PACRG: variants seen among roughly 807,000 people sequenced by gnomAD.
PACRG encodes parkin coregulated.
A neutral mutation model predicts 29.7 loss-of-function variants in PACRG; 29 were observed. The observed-to-expected ratio is 0.98, with a 90% CI of 0.73 to 1.33. PACRG has a LOEUF of 1.33. Ranked by LOEUF, PACRG falls within the 40% of genes most tolerant of loss-of-function variation. The pLI, the probability that PACRG is intolerant of heterozygous loss-of-function variation, is 0.00. For synonymous variants in PACRG, 116 were observed against 118.7 expected (o/e 0.98, Z 0.15); for missense variants, 279 against 316.2 (o/e 0.88, Z 0.89).
At chr6:163,299,818 G>A (rs1441470504) in intron 4 of PACRG, among the ~76,000 whole-genome samples, 1 of 152,324 alleles carries the variant, frequency 6.6e-6, no homozygotes, top group South Asian at 2.1e-4. Context: ...GGCAGAGGTT[G>A]CAGTGAGCTG....
chr6:162,932,428 A>G (rs895335561), intron 2 of PACRG, among the ~76,000 whole-genome samples: 29 of 152,058 alleles, frequency 1.9e-4, no homozygotes, highest in African/African-American at 6.3e-4. Context: ...CTAAAAACAC[A>G]CAATTTTTTT....
At chr6:163,180,220 G>A (rs575084020) in intron 4 of PACRG, among the ~76,000 whole-genome samples, 4 of 152,246 alleles carry the variant, frequency 2.6e-5, no homozygotes, top group East Asian at 1.9e-4. Context: ...TCCTAGGCAC[G>A]CCCACTTCTC....
chr6:163,275,154 A>G (rs1783982447), intron 4 of PACRG, among the ~76,000 whole-genome samples: 1 of 152,154 alleles, frequency 6.6e-6, no homozygotes, highest in Non-Finnish European at 1.5e-5. Flanking sequence ...TATTACAGGC[A>G]TGAGCCACCA....
At chr6:163,142,779 G>A (rs1777603195) in intron 4 of PACRG, among the ~76,000 whole-genome samples, 1 of 152,128 alleles carries the variant, frequency 6.6e-6, no homozygotes, top group African/African-American at 2.4e-5. Flanking sequence ...TTTGAGAAGG[G>A]CACTGCACCC....
chr6:163,205,818 A>G (rs796651153), intron 4 of PACRG, among the ~76,000 whole-genome samples: 10 of 152,336 alleles, frequency 6.6e-5, no homozygotes, highest in African/African-American at 2.2e-4. Flanking sequence ...TGCATCTGAC[A>G]AAGGCCTAAA....
intron 4 of PACRG, among the ~76,000 whole-genome samples, chr6:163,103,274 G>C (rs1562917375): frequency 6.6e-6 from 1 of 152,192 alleles, no homozygotes; most frequent in African/African-American, 2.4e-5. Flanking sequence ...CAGGACTGAG[G>C]TCTCCATTTC....
At chr6:163,024,904 T>C (rs193274888) in intron 2 of PACRG, among the ~76,000 whole-genome samples, 1 of 152,302 alleles carries the variant, frequency 6.6e-6, no homozygotes, top group African/African-American at 2.4e-5. Context: ...ATTTCTGGGA[T>C]GCAGGGCTGG....
At chr6:162,891,266 GAC>G (rs1312059904) in intron 2 of PACRG, among the ~76,000 whole-genome samples, 2 of 152,198 alleles carry the variant, frequency 1.3e-5, no homozygotes, top group Non-Finnish European at 2.9e-5. Context: ...AGTGCAGAGA[GAC>G]AGCAGTTTTC....
intron 1 of PACRG, among the ~76,000 whole-genome samples, chr6:162,747,345 TATATATATATATATATATAC>T (rs1489816555): frequency 1.3e-5 from 1 of 75,432 alleles, no homozygotes; most frequent in African/African-American, 6.6e-5. Flanking sequence ...TATATATATA[TATATATATATATATATATAC>T]ACATACATAT....
chr6:163,009,552 G>T (rs1298914218), intron 2 of PACRG, among the ~76,000 whole-genome samples: 3 of 152,154 alleles, frequency 2.0e-5, no homozygotes. Context: ...TTTAGAAAAA[G>T]ATTTGGTTTA....
At chr6:162,734,608 C>T (rs959242358) in intron 1 of PACRG, among the ~76,000 whole-genome samples, 1 of 152,084 alleles carries the variant, frequency 6.6e-6, no homozygotes, top group Non-Finnish European at 1.5e-5. Flanking sequence ...GATCTTCATT[C>T]CATTTGGCTT....
rs796202675 is a variant in PACRG at position 163,269,762 on chromosome 6, G to GAGAGACAGAC, written c.614-45062_614-45061insGACAGACAGA. Reference sequence around the variant, plus strand: ...GGGGAAAAGAAGAAAGAGAGAGAGAGAGACAGACAGACAGACAGACAGAAA... The same window carrying GAGAGACAGAC: ...GGGGAAAAGAAGAAAGAGAGAGAGAGAGAGACAGACAGACAGACAGACAGACAGACAGAAA... On this transcript the variant is annotated intron_variant, in intron 4 of 4. Transcript: ENST00000366888. Among the ~76,000 whole-genome samples the GAGAGACAGAC allele has an allele frequency of 3.1e-4, 16 of 51,310 alleles. 1 individual carries two copies. The highest frequency in any genetic ancestry group is 1.3e-3 in the Admixed American group (7 of 5,502). 33.7% of individuals were successfully genotyped at this position (51,310 alleles called of 152,430 possible).
chr6:163,255,956 A>AG (rs1783091305), intron 4 of PACRG, among the ~76,000 whole-genome samples: 1 of 152,146 alleles, frequency 6.6e-6, no homozygotes, highest in African/African-American at 2.4e-5. Context: ...ACTGGAAGCA[A>AG]GGGGGCACAA....
intron 4 of PACRG, among the ~76,000 whole-genome samples, chr6:163,276,473 A>T (rs1223799278): frequency 6.6e-6 from 1 of 151,966 alleles, no homozygotes; most frequent in Non-Finnish European, 1.5e-5. Flanking sequence ...GGTAGAGAGG[A>T]TGAGGGACAG....
chr6:163,147,186 T>C (rs991056595), intron 4 of PACRG, among the ~76,000 whole-genome samples: 1 of 152,174 alleles, frequency 6.6e-6, no homozygotes. Context: ...GCACATATGA[T>C]CCACACAGTT....
intron 3 of PACRG, among the ~76,000 whole-genome samples, chr6:163,067,132 T>G (rs1370891065): frequency 6.6e-6 from 1 of 152,170 alleles, no homozygotes; most frequent in Non-Finnish European, 1.5e-5. Flanking sequence ...GTGAACAGCC[T>G]TCCTGCTGTA....
At chr6:162,869,907 C>T (rs1452545650) in intron 2 of PACRG, among the ~76,000 whole-genome samples, 1 of 152,040 alleles carries the variant, frequency 6.6e-6, no homozygotes, top group Admixed American at 6.5e-5. Flanking sequence ...GCATTTTGTG[C>T]GATTATTTAA....
At chr6:162,747,493 T>TATA (rs71008109) in intron 1 of PACRG, among the ~76,000 whole-genome samples, 6 of 127,598 alleles carry the variant, frequency 4.7e-5, no homozygotes, top group African/African-American at 1.2e-4. Context: ...TATATATATA[T>TATA]TCCATTAGTT....
chr6:163,243,666 C>T (rs1782587550), intron 4 of PACRG, among the ~76,000 whole-genome samples: 1 of 152,184 alleles, frequency 6.6e-6, no homozygotes, highest in South Asian at 2.1e-4. Flanking sequence ...AGGTTCTGGT[C>T]CTGTCTGTCC....
Sources: gnomAD v4.1 joint callset for allele counts (sites outside exome capture counted in the v4.1 genomes callset) on GRCh38, gnomAD v4.1.1 for gene constraint, MANE v1.5 for transcripts, NCBI Gene and HGNC (gene_info 2026-07-23, HGNC 2026-07-21) for gene names.